Variants in MBP observed in about 807,000 individuals in gnomAD.
MBP encodes myelin basic protein.
MBP carries 16 observed loss-of-function variants against 35.8 expected under a neutral mutation model. That is an observed-to-expected ratio of 0.45 (90% CI 0.30 to 0.68). MBP has a LOEUF of 0.68. Ranked by LOEUF, MBP falls within the 30% of genes least tolerant of loss-of-function variation. The pLI is 0.08. For missense variants in MBP, 380 were observed against 404.7 expected, an observed-to-expected ratio of 0.94 and a Z score of 0.52; for synonymous variants, 143 against 159.6, an observed-to-expected ratio of 0.90 and a Z score of 0.78.
At chr18:77,043,196 T>C (rs112170646) in intron 3 of MBP, among the ~76,000 whole-genome samples, 105 of 152,266 alleles carry the variant, frequency 6.9e-4, no homozygotes, top group African/African-American at 2.5e-3. Flanking sequence ...CTTCTAAAGG[T>C]TCGTTCATGA....
At chr18:77,095,192 C>T (rs28665744) in intron 2 of MBP, among the ~76,000 whole-genome samples, 5,530 of 152,278 alleles carry the variant, frequency 0.036, 329 homozygotes, top group African/African-American at 0.12. Context: ...TGTCGGCACC[C>T]ACACAATCTA....
At chr18:77,034,051 C>CAAAAA (rs398033591) in intron 3 of MBP, among the ~76,000 whole-genome samples, 8 of 70,534 alleles carry the variant, frequency 1.1e-4, no homozygotes, top group African/African-American at 4.2e-4. Flanking sequence ...CCTAATGGGG[C>CAAAAA]AAAAAAAAAA....
chr18:77,019,321 G>T (rs1568295990), intron 3 of MBP, among the ~76,000 whole-genome samples: 1 of 152,198 alleles, frequency 6.6e-6, no homozygotes, highest in Non-Finnish European at 1.5e-5. Context: ...AAGTGAAGAT[G>T]AGGTCATTCT....
At position 77,016,823 on chromosome 18, in the gene MBP, A is replaced by G. The variant is rs762336232; in HGVS notation, c.576+9T>C. Reference sequence around the variant, plus strand: ...TTAAACTAAAACTCCTCTACTCCTCAGAGCTCACCTTGCCAGAGCCCCGCT... The same window carrying G: ...TTAAACTAAAACTCCTCTACTCCTCGGAGCTCACCTTGCCAGAGCCCCGCT... On this transcript the variant is annotated intron_variant, in intron 4 of 8. Coordinates refer to ENST00000355994, the MANE Select transcript of MBP (RefSeq NM_001025101.2). The G allele has an allele frequency of 6.2e-7, 1 of 1,613,802 alleles. No homozygotes were observed. The highest frequency in any genetic ancestry group is 1.7e-5 in the Admixed American group (1 of 60,016).
intron 3 of MBP, among the ~76,000 whole-genome samples, chr18:77,056,583 A>C (rs1254291954): frequency 6.6e-6 from 1 of 152,130 alleles, no homozygotes; most frequent in Non-Finnish European, 1.5e-5. Context: ...TGACTGCACC[A>C]ACCGGCCTCC....
intron 3 of MBP, among the ~76,000 whole-genome samples, chr18:77,034,822 C>T (rs1200304672): frequency 2.6e-5 from 4 of 152,174 alleles, no homozygotes; most frequent in Admixed American, 6.5e-5. Flanking sequence ...CTTCGGTGGG[C>T]GACGTCCTCT....
intron 1 of MBP, among the ~76,000 whole-genome samples, chr18:77,132,207 C>G (rs1435825610): frequency 1.3e-5 from 2 of 152,140 alleles, no homozygotes; most frequent in Admixed American, 1.3e-4. Flanking sequence ...ACCCTGGGAC[C>G]GCCGGGCCTG....
rs1199526902 is a variant in MBP, at chr18:76,988,661, G to A, written c.718-134C>T. ...AGGTTCCACCCGGAGCTCCGAGGGG[G>A]GCCGCAGGCTCAGGGCCACAGCGGC... On this transcript the variant is annotated intron_variant, in intron 6 of 8. Coordinates refer to ENST00000355994, the MANE Select transcript of MBP (RefSeq NM_001025101.2). The surrounding 1 kb of genome is among the most constrained non-coding windows in gnomAD (Gnocchi z 5.2). The A allele has an allele frequency of 1.3e-6, 2 of 1,484,298 alleles. No individual in the cohort carries two copies. The highest frequency in any genetic ancestry group is 1.8e-6 in the Non-Finnish European group (2 of 1,112,314). The allele number at this position is 1,484,298 out of a possible 1,614,324, so 91.9% of individuals were successfully genotyped here.
intron 3 of MBP, among the ~76,000 whole-genome samples, chr18:77,038,394 T>C (rs1254628776): frequency 1.3e-5 from 2 of 152,232 alleles, no homozygotes; most frequent in Non-Finnish European, 2.9e-5. Context: ...CTGCCATACA[T>C]AGAGTGTATG....
At chr18:77,089,316 G>A (rs1227452550) in intron 2 of MBP, among the ~76,000 whole-genome samples, 1 of 152,226 alleles carries the variant, frequency 6.6e-6, no homozygotes, top group East Asian at 1.9e-4. Context: ...CCATTTCCAT[G>A]GCCCCAGGGC....
chr18:77,058,190 G>A (rs1185795539), intron 3 of MBP, among the ~76,000 whole-genome samples: 2 of 152,166 alleles, frequency 1.3e-5, no homozygotes, highest in Non-Finnish European at 1.5e-5. Flanking sequence ...CCGGGGAGAA[G>A]AGGCATCCCC....
intron 2 of MBP, among the ~76,000 whole-genome samples, chr18:77,088,437 G>A (rs978812716): frequency 6.6e-5 from 10 of 152,068 alleles, no homozygotes; most frequent in African/African-American, 2.2e-4. Context: ...TGACTGTTGG[G>A]GCCACCAACC....
At chr18:77,040,115 CTTCT>C (rs879300335) in intron 3 of MBP, among the ~76,000 whole-genome samples, 4 of 152,214 alleles carry the variant, frequency 2.6e-5, no homozygotes, top group African/African-American at 4.8e-5. Context: ...GTGTCTCATA[CTTCT>C]TTAAGAACCA....
chr18:77,111,413 A>G (rs867719849), intron 1 of MBP, among the ~76,000 whole-genome samples: 1 of 152,386 alleles, frequency 6.6e-6, no homozygotes, highest in African/African-American at 2.4e-5. Context: ...ATCCCAGGAA[A>G]GGAAAACCTG....
chr18:77,109,576 T>C (rs1325535818), intron 1 of MBP: 3 of 152,210 alleles, frequency 2.0e-5, no homozygotes, highest in African/African-American at 7.2e-5. Context: ...CTTGTAGAAA[T>C]AAATGCATCG....
chr18:77,133,290 C>T (rs960744706), upstream of MBP, among the ~76,000 whole-genome samples: 4 of 152,364 alleles, frequency 2.6e-5, no homozygotes, highest in East Asian at 1.9e-4. Context: ...GAGCCCAGGC[C>T]AGGCCCATGT....
Position 77,101,002 on chromosome 18 carries a change from A to G in MBP, c.51+4209T>C, listed in dbSNP as rs967857729. On this transcript the variant is annotated intron_variant, in intron 2 of 8. Coordinates refer to ENST00000355994, the MANE Select transcript of MBP (RefSeq NM_001025101.2). The surrounding 1 kb of genome is among the most constrained non-coding windows in gnomAD (Gnocchi z 4.3). ...GCCACAAGCAGCCTGGCACATGGGC[A>G]CGTTCTGAGCGCTTGCTGACCCTCC... 1.1e-4 allele frequency among the ~76,000 whole-genome samples: 16 copies of G among 152,204 alleles called. No homozygotes were observed. Among genetic ancestry groups the G allele is most frequent in the African/African-American group, 3.9e-4 (16 of 41,448 alleles).
chr18:77,036,081 G>A (rs529485323), intron 3 of MBP, among the ~76,000 whole-genome samples: 1 of 152,042 alleles, frequency 6.6e-6, no homozygotes, highest in South Asian at 2.1e-4. Flanking sequence ...AGCAAGTGCT[G>A]GTCACGTTTT....
At chr18:77,018,598 CT>C (rs1481717709) in intron 3 of MBP, among the ~76,000 whole-genome samples, 32 of 107,610 alleles carry the variant, frequency 3.0e-4, no homozygotes, top group African/African-American at 1.3e-3. Context: ...CCACCCACCC[CT>C]CCATCTATCC....
Sources: gnomAD v4.1 joint callset for allele counts (sites outside exome capture counted in the v4.1 genomes callset) on GRCh38, gnomAD v4.1.1 for gene constraint, Gnocchi (gnomAD v3.1) non-coding constraint, MANE v1.5 for transcripts, NCBI Gene and HGNC (gene_info 2026-07-23, HGNC 2026-07-21) for gene names.